Variants in SMAP2 observed in about 807,000 individuals in gnomAD.
SMAP2 encodes stromal membrane-associated protein 2.
SMAP2 carries 25 observed loss-of-function variants against 56.4 expected under a neutral mutation model. That is an observed-to-expected ratio of 0.44 (90% CI 0.32 to 0.62). The LOEUF is 0.62. Ranked by LOEUF, SMAP2 falls within the 20% of genes least tolerant of loss-of-function variation. The pLI, the probability that SMAP2 is intolerant of heterozygous loss-of-function variation, is 0.04. For synonymous variants in SMAP2, 157 were observed against 181.7 expected, an observed-to-expected ratio of 0.86 and a Z score of 1.09; for missense variants, 388 against 545.6, an observed-to-expected ratio of 0.71 and a Z score of 2.88.
intron 1 of SMAP2, among the ~76,000 whole-genome samples, chr1:40,377,092 C>T (rs975781757): frequency 2.6e-5 from 4 of 152,018 alleles, no homozygotes; most frequent in African/African-American, 9.7e-5. Flanking sequence ...TCAAGACCAG[C>T]CTGGGCAACA....
chr1:40,347,246 TTTTTG>T (rs1343205398), intron 1 of SMAP2, among the ~76,000 whole-genome samples: 18 of 39,054 alleles, frequency 4.6e-4, no homozygotes, highest in African/African-American at 1.7e-3. Context: ...GTGTGTTTTG[TTTTTG>T]TTTTTTTTTT....
chr1:40,354,271 A>G (rs1005917200), intron 1 of SMAP2, among the ~76,000 whole-genome samples: 2 of 152,154 alleles, frequency 1.3e-5, no homozygotes, highest in Non-Finnish European at 2.9e-5. Flanking sequence ...TCAACAGGAA[A>G]TGTCTCAAAT....
intron 1 of SMAP2, among the ~76,000 whole-genome samples, chr1:40,345,321 A>C (rs1435985299): frequency 6.6e-6 from 1 of 151,880 alleles, no homozygotes; most frequent in East Asian, 1.9e-4. Context: ...AGGGTGGAAC[A>C]GTTTGAGGCT....
At chr1:40,404,968 C>T (rs1644871757) in intron 1 of SMAP2, among the ~76,000 whole-genome samples, 2 of 152,122 alleles carry the variant, frequency 1.3e-5, no homozygotes, top group African/African-American at 2.4e-5. Flanking sequence ...GAAGGTAAAT[C>T]GGAGCTTGTG....
At chr1:40,392,623 G>A (rs1238976175) in intron 1 of SMAP2, among the ~76,000 whole-genome samples, 1 of 152,174 alleles carries the variant, frequency 6.6e-6, no homozygotes, top group Non-Finnish European at 1.5e-5. Flanking sequence ...GGGTCTTTGT[G>A]TAAAGGAAAT....
At chr1:40,353,740 T>G (rs572872776) in intron 1 of SMAP2, among the ~76,000 whole-genome samples, 5 of 152,164 alleles carry the variant, frequency 3.3e-5, no homozygotes, top group African/African-American at 9.6e-5. Flanking sequence ...GGGCTGAGAA[T>G]TTGCATTTCT....
chr1:40,403,556 A>G (rs769162471), intron 1 of SMAP2: 26 of 496,450 alleles, frequency 5.2e-5, no homozygotes, highest in Admixed American at 6.4e-5. Context: ...GAGTGTTGGT[A>G]TATATTACAT....
rs202099163 is a variant in SMAP2, at chr1:40,356,410, T to TG, written c.-82-5890_-82-5889insG. Reference sequence around the variant, plus strand: ...TAGTTTTTTGTGGGTTTTTTGTTTTTTTTTGTTTTTTTTTTTTTGAGACCA... The same window carrying TG: ...TAGTTTTTTGTGGGTTTTTTGTTTTTGTTTTGTTTTTTTTTTTTTGAGACCA... On this transcript the variant is annotated intron_variant, in intron 1 of 6. Coordinates refer to the SMAP2 transcript ENST00000435168. Among the ~76,000 whole-genome samples, 874 of 150,800 alleles carry TG rather than the reference T, an allele frequency of 5.8e-3. 9 individuals carry two copies. The highest frequency in any genetic ancestry group is 0.017 in the African/African-American group (699 of 41,000).
At position 40,416,346 on chromosome 1, in the gene SMAP2, A is replaced by G. The variant is rs757989481; in HGVS notation, c.847+5A>G. On this transcript the variant is annotated splice_donor_5th_base_variant and intron_variant, in intron 8 of 9. Transcript: ENST00000372718. ...CGCCTCAAATGCCTACTCAAGGTAG[A>G]TTTCATGGGTGTCATGGCCATGTGC... 6.8e-6 allele frequency: 11 copies of G among 1,610,722 alleles called. No homozygotes were observed. Among genetic ancestry groups the G allele is most frequent in the South Asian group, 4.4e-5 (4 of 90,718 alleles).
chr1:40,405,135 T>C (rs1170133808), intron 1 of SMAP2, among the ~76,000 whole-genome samples: 2 of 152,202 alleles, frequency 1.3e-5, no homozygotes, highest in African/African-American at 2.4e-5. Context: ...TGAATTCAAA[T>C]TTCTAAAACT....
intron 1 of SMAP2, among the ~76,000 whole-genome samples, chr1:40,379,424 G>A (rs568045928): frequency 2.6e-5 from 4 of 152,238 alleles, no homozygotes; most frequent in Non-Finnish European, 4.4e-5. Context: ...AACAGAACAT[G>A]GAGAGCATAC....
chr1:40,405,828 G>A (rs1023160003), intron 1 of SMAP2, among the ~76,000 whole-genome samples: 3 of 152,176 alleles, frequency 2.0e-5, no homozygotes, highest in African/African-American at 7.2e-5. Context: ...GAGTAACACT[G>A]GCAGGGGATG....
At position 40,386,794 on chromosome 1, in the gene SMAP2, G is replaced by A. The variant is rs1047820427; in HGVS notation, c.103+12571G>A. Among the ~76,000 whole-genome samples, 1 of 150,224 alleles carries A rather than the reference G, an allele frequency of 6.7e-6. No individual in the cohort carries two copies. The highest frequency in any genetic ancestry group is 1.9e-4 in the East Asian group (1 of 5,154). ...TTTTATGATTCTGAAACCTATCCAC[G>A]ATAAAAATCATTGGAAAGTATGAAA... On this transcript the variant is annotated intron_variant, in intron 1 of 9. Coordinates refer to ENST00000372718, the MANE Select transcript of SMAP2 (RefSeq NM_022733.3). This position sits in a 1 kb window ranked among gnomAD's most constrained non-coding sequence, Gnocchi z 4.1.
intron 1 of SMAP2, among the ~76,000 whole-genome samples, chr1:40,350,546 G>A (rs1316407382): frequency 6.6e-6 from 1 of 152,168 alleles, no homozygotes; most frequent in East Asian, 1.9e-4. Flanking sequence ...TGTATTACTG[G>A]TGCAAAACTG....
intron 1 of SMAP2, among the ~76,000 whole-genome samples, chr1:40,384,308 C>T (rs1391260418): frequency 6.6e-6 from 1 of 152,174 alleles, no homozygotes; most frequent in East Asian, 1.9e-4. Flanking sequence ...TTTTACCCCA[C>T]AACTTCAGAT....
intron 1 of SMAP2, among the ~76,000 whole-genome samples, chr1:40,388,910 G>A (rs1221155461): frequency 6.6e-6 from 1 of 152,148 alleles, no homozygotes; most frequent in South Asian, 2.1e-4. Context: ...AACCCACCGG[G>A]AGGAACGAAC....
intron 1 of SMAP2, among the ~76,000 whole-genome samples, chr1:40,399,919 T>C (rs1247823528): frequency 6.6e-6 from 1 of 151,958 alleles, no homozygotes; most frequent in South Asian, 2.1e-4. Flanking sequence ...TGGCTAGGAG[T>C]TGATAATTGC....
chr1:40,404,172 CTTTTAT>C (rs1268243012), intron 1 of SMAP2, among the ~76,000 whole-genome samples: 1 of 152,128 alleles, frequency 6.6e-6, no homozygotes, highest in Non-Finnish European at 1.5e-5. Context: ...ACATTTGTCT[CTTTTAT>C]TTTTCTTTTC....
At chr1:40,365,930 A>G (rs1459390450) in intron 2 of SMAP2, among the ~76,000 whole-genome samples, 1 of 148,396 alleles carries the variant, frequency 6.7e-6, no homozygotes, top group Non-Finnish European at 1.5e-5. Flanking sequence ...TTCAAACCAA[A>G]GGCAAAGAAG....
Sources: gnomAD v4.1 joint callset for allele counts (sites outside exome capture counted in the v4.1 genomes callset) on GRCh38, gnomAD v4.1.1 for gene constraint, Gnocchi (gnomAD v3.1) non-coding constraint, MANE v1.5 for transcripts, NCBI Gene and HGNC (gene_info 2026-07-23, HGNC 2026-07-21) for gene names.